The following FMN1 variants were observed in gnomAD, a reference collection of about 807,000 sequenced individuals.
The protein encoded by FMN1 is formin-1.
A neutral mutation model predicts 132.4 loss-of-function variants in FMN1; 110 were observed. The observed-to-expected ratio is 0.83, with a 90% CI of 0.71 to 0.97. The LOEUF (loss-of-function observed/expected upper bound fraction) is 0.97. Ranked by LOEUF, FMN1 falls within the 50% of genes least tolerant of loss-of-function variation. The pLI, the probability that FMN1 is intolerant of heterozygous loss-of-function variation, is 0.00. For synonymous variants in FMN1, 722 were observed against 651.7 expected (o/e 1.11, Z -1.64); for missense variants, 1,792 against 1,705.3 (o/e 1.05, Z -0.90).
chr15:33,050,010 C>G (rs8029680), intron 6 of FMN1, among the ~76,000 whole-genome samples: 8,729 of 152,216 alleles, frequency 0.057, 274 homozygotes, highest in South Asian at 0.11. Context: ...TTCTATTTTT[C>G]ACTTCTGGTA....
intron 6 of FMN1, among the ~76,000 whole-genome samples, chr15:33,048,815 C>G (rs918208589): frequency 1.1e-4 from 16 of 151,922 alleles, no homozygotes; most frequent in African/African-American, 3.9e-4. Flanking sequence ...ATGAGACTTA[C>G]TATTATGAGA....
intron 17 of FMN1, among the ~76,000 whole-genome samples, chr15:32,845,343 C>T (rs1244807562): frequency 1.3e-5 from 2 of 152,138 alleles, no homozygotes; most frequent in Non-Finnish European, 2.9e-5. Context: ...ACAATGGAAA[C>T]TTTGTTGTTA....
intron 6 of FMN1, among the ~76,000 whole-genome samples, chr15:33,011,824 A>T (rs995716555): frequency 1.3e-5 from 2 of 152,198 alleles, no homozygotes; most frequent in Non-Finnish European, 2.9e-5. Context: ...ATATACAAAT[A>T]ATAACTATGT....
intron 17 of FMN1, among the ~76,000 whole-genome samples, chr15:32,806,549 CCATCAGCCTTGA>C (rs1467305612): frequency 6.6e-6 from 1 of 152,200 alleles, no homozygotes; most frequent in Admixed American, 6.5e-5. Flanking sequence ...GCTTGTCTTG[CCATCAGCCTTGA>C]CATAGTATCT....
intron 7 of FMN1, among the ~76,000 whole-genome samples, chr15:33,002,504 G>A (rs2034175735): frequency 6.6e-6 from 1 of 152,082 alleles, no homozygotes; most frequent in Non-Finnish European, 1.5e-5. Flanking sequence ...TTATTGTATT[G>A]ATGCCAAACC....
chr15:33,007,921 A>G, intron 7 of FMN1, 93 bp downstream of exon 7: 1 of 1,087,296 alleles, frequency 9.2e-7, no homozygotes, highest in Non-Finnish European at 1.4e-6. Flanking sequence ...GTCTAGTTTA[A>G]CACTTCAACT....
At chr15:33,055,450 T>C (rs12592516) in intron 6 of FMN1, among the ~76,000 whole-genome samples, 47,930 of 152,042 alleles carry the variant, frequency 0.32, 7,707 homozygotes, top group Non-Finnish European at 0.33. Flanking sequence ...GTTTTGTGTT[T>C]ACACAGTCAT....
intron 5 of FMN1, among the ~76,000 whole-genome samples, chr15:33,086,042 G>A (rs2038678485): frequency 6.6e-6 from 1 of 152,004 alleles, no homozygotes; most frequent in South Asian, 2.1e-4. Context: ...ATGAGGCCAG[G>A]AGATCCAGAC....
At chr15:33,124,520 C>T (rs1962865057) in intron 4 of FMN1, among the ~76,000 whole-genome samples, 2 of 138,690 alleles carry the variant, frequency 1.4e-5, no homozygotes, top group African/African-American at 5.5e-5. Context: ...CTTTAAAGCT[C>T]TCCCAAAGTG....
intron 5 of FMN1, among the ~76,000 whole-genome samples, chr15:33,065,675 T>C (rs2037691527): frequency 6.6e-6 from 1 of 152,228 alleles, no homozygotes; most frequent in Admixed American, 6.5e-5. Flanking sequence ...TGCCAAAGAC[T>C]TTCATTTTTA....
intron 6 of FMN1, among the ~76,000 whole-genome samples, chr15:33,052,716 G>C (rs1391520216): frequency 6.6e-6 from 1 of 152,150 alleles, no homozygotes; most frequent in African/African-American, 2.4e-5. Flanking sequence ...AAGCCTGAAA[G>C]CCAAGCTGTA....
intron 16 of FMN1, among the ~76,000 whole-genome samples, chr15:32,868,598 GCA>G (rs1194477175): frequency 6.6e-6 from 1 of 152,152 alleles, no homozygotes; most frequent in East Asian, 1.9e-4. Context: ...ACAGACATAT[GCA>G]CATACACCGA....
In FMN1 at chr15:32,776,034, G is replaced by A. The variant is rs982476448; in HGVS notation, c.4215+801C>T. Among the ~76,000 whole-genome samples, 4 of 152,270 alleles carry A rather than the reference G, an allele frequency of 2.6e-5. No individual in the cohort carries two copies. In the South Asian group the frequency reaches 6.2e-4, roughly 24 times the overall value. On this transcript the variant is annotated intron_variant, in intron 20 of 20. Coordinates refer to ENST00000616417, the MANE Select transcript of FMN1 (RefSeq NM_001277313.2). ...AATATTTATTGAGCTCTTATTATGT[G>A]TTAGGCATTTTACATGTCTTTTCTC...
intron 6 of FMN1, among the ~76,000 whole-genome samples, chr15:33,018,798 G>C (rs1207753332): frequency 2.6e-5 from 4 of 152,172 alleles, no homozygotes; most frequent in Non-Finnish European, 5.9e-5. Flanking sequence ...TGGGCTGGTG[G>C]TCTCGCTGGC....
chr15:33,056,762 A>AT (rs1349327369), intron 6 of FMN1, among the ~76,000 whole-genome samples: 2 of 152,234 alleles, frequency 1.3e-5, no homozygotes, highest in African/African-American at 4.8e-5. Flanking sequence ...ATGGAATACT[A>AT]TAGGGGAATG....
chr15:33,011,854 G>C (rs1566823199), intron 6 of FMN1, among the ~76,000 whole-genome samples: 1 of 152,168 alleles, frequency 6.6e-6, no homozygotes, highest in Non-Finnish European at 1.5e-5. Flanking sequence ...CTCCTTATTA[G>C]TAATCAGGAA....
intron 13 of FMN1, among the ~76,000 whole-genome samples, chr15:32,901,697 T>TC (rs575490252): frequency 7.7e-4 from 118 of 152,294 alleles, no homozygotes; most frequent in African/African-American, 2.6e-3. Flanking sequence ...GTCATTTTTT[T>TC]CCCTCCTTCT....
intron 17 of FMN1, among the ~76,000 whole-genome samples, chr15:32,823,307 A>T (rs143208668): frequency 6.6e-6 from 1 of 151,466 alleles, no homozygotes; most frequent in Non-Finnish European, 1.5e-5. Context: ...GACTACAGGC[A>T]CCCACCACCA....
intron 13 of FMN1, chr15:32,900,355 T>TTAA: frequency 3.0e-6 from 2 of 674,336 alleles, no homozygotes; most frequent in South Asian, 3.1e-5. Flanking sequence ...AGTGCATGTT[T>TTAA]TAATACATGA....
Sources: allele counts gnomAD v4.1 joint callset (sites outside exome capture counted in the v4.1 genomes callset), GRCh38; gene constraint gnomAD v4.1.1; transcripts MANE v1.5; gene names NCBI Gene and HGNC (gene_info 2026-07-23, HGNC 2026-07-21).